GON4L: variants seen among roughly 807,000 people sequenced by gnomAD.
GON4L encodes the protein GON-4-like protein.
A neutral mutation model predicts 211.8 loss-of-function variants in GON4L; 87 were observed. The observed-to-expected ratio is 0.41, with a 90% CI of 0.35 to 0.49. The LOEUF is 0.49. Ranked by LOEUF, GON4L falls within the 20% of genes least tolerant of loss-of-function variation. GON4L has a pLI of 0.15. For synonymous variants in GON4L, 875 were observed against 962.6 expected, an observed-to-expected ratio of 0.91 and a Z score of 1.68; for missense variants, 2,155 against 2,659.5, an observed-to-expected ratio of 0.81 and a Z score of 4.17.
intron 28 of GON4L, among the ~76,000 whole-genome samples, chr1:155,753,783 TACA>T (rs1168285337): frequency 1.3e-5 from 2 of 151,922 alleles, no homozygotes; most frequent in African/African-American, 4.8e-5. Context: ...ACCATGGTGG[TACA>T]CTATAGCCTC....
intron 2 of GON4L, chr1:155,846,228 G>A (rs935112110): frequency 8.9e-6 from 2 of 224,352 alleles, no homozygotes; most frequent in African/African-American, 4.6e-5. Context: ...AAGAAAGACA[G>A]GAAAAAGAAA....
intron 2 of GON4L, among the ~76,000 whole-genome samples, chr1:155,840,091 G>A (rs1022176796): frequency 6.6e-6 from 1 of 152,072 alleles, no homozygotes; most frequent in Non-Finnish European, 1.5e-5. Context: ...TAGCTTAGAG[G>A]TCTATAAAAG....
chr1:155,792,913 C>T (rs1480241353), intron 12 of GON4L, among the ~76,000 whole-genome samples: 1 of 152,104 alleles, frequency 6.6e-6, no homozygotes, highest in Non-Finnish European at 1.5e-5. Context: ...TGCACCACGA[C>T]AACTAATTTT....
chr1:155,851,887 G>A (rs930803326), intron 2 of GON4L, among the ~76,000 whole-genome samples: 5 of 151,962 alleles, frequency 3.3e-5, no homozygotes, highest in Admixed American at 1.3e-4. Flanking sequence ...CATCTTGGCA[G>A]GGCGTGGTGG....
intron 19 of GON4L, among the ~76,000 whole-genome samples, chr1:155,769,077 G>A (rs79805831): frequency 6.6e-6 from 1 of 152,114 alleles, no homozygotes; most frequent in Non-Finnish European, 1.5e-5. Flanking sequence ...CCTAGTTCAA[G>A]TGAGTTTTGT....
chr1:155,805,205 T>C lies in GON4L; in HGVS notation c.1453-64A>G, dbSNP rs79350813. The C allele has an allele frequency of 6.5e-4, 688 of 1,050,432 alleles. 3 individuals are homozygous for C. The African/African-American group carries it at 9.2e-3, about 14-fold the overall frequency. The allele number at this position is 1,050,432 out of a possible 1,614,324, so 65.1% of individuals were successfully genotyped here. On this transcript the variant is annotated intron_variant, in intron 10 of 31. Coordinates refer to ENST00000368331, the MANE Select transcript of GON4L (RefSeq NM_001282860.2). ...GTTTCCAAACCTCATCATCACTCCT[T>C]TTCTTCTCATCTTAGCTTAAGTAAC... is the stretch of plus-strand genomic sequence containing the variant.
chr1:155,801,028 T>C (rs1360074744), intron 11 of GON4L, among the ~76,000 whole-genome samples: 1 of 150,638 alleles, frequency 6.6e-6, no homozygotes. Context: ...TAGAACTATC[T>C]GTCCTTGGGC....
intron 6 of GON4L, among the ~76,000 whole-genome samples, chr1:155,819,520 T>C (rs1390868063): frequency 6.6e-6 from 1 of 151,994 alleles, no homozygotes; most frequent in African/African-American, 2.4e-5. Context: ...CCTCCCAAAG[T>C]GCTGGGATTA....
At chr1:155,795,620 A>G (rs956378343) in intron 11 of GON4L, among the ~76,000 whole-genome samples, 3 of 151,790 alleles carry the variant, frequency 2.0e-5, no homozygotes, top group African/African-American at 7.3e-5. Flanking sequence ...TAGCCATTGG[A>G]GCATTTCAGA....
chr1:155,847,229 A>C (rs1473717024), intron 2 of GON4L, among the ~76,000 whole-genome samples: 1 of 152,092 alleles, frequency 6.6e-6, no homozygotes, highest in Non-Finnish European at 1.5e-5. Flanking sequence ...CAGGCTCCAT[A>C]AATTGTTTAC....
chr1:155,835,872 C>A (rs572814643), intron 2 of GON4L, among the ~76,000 whole-genome samples: 31 of 152,188 alleles, frequency 2.0e-4, no homozygotes, highest in African/African-American at 7.5e-4. Context: ...GGTTCACCTG[C>A]GTCATTCCTT....
intron 10 of GON4L, among the ~76,000 whole-genome samples, chr1:155,806,258 T>G (rs1667122123): frequency 6.6e-6 from 1 of 151,854 alleles, no homozygotes; most frequent in Admixed American, 6.6e-5. Flanking sequence ...GTTCGGGTGA[T>G]TCTCCTGCCT....
chr1:155,753,074 G>A (rs1269770823), intron 29 of GON4L, 130 bp downstream of exon 29: 1 of 685,636 alleles, frequency 1.5e-6, no homozygotes, highest in Middle Eastern at 2.5e-4. Flanking sequence ...GCTTCCTATG[G>A]GTCCATCAGT....
chr1:155,764,062 CA>C (rs1382884379), intron 21 of GON4L, among the ~76,000 whole-genome samples: 1 of 150,130 alleles, frequency 6.7e-6, no homozygotes, highest in African/African-American at 2.4e-5. Flanking sequence ...CAAAACAAGA[CA>C]AAAAAAAGAA....
At chr1:155,771,840 G>T (rs1663220959) in intron 18 of GON4L, among the ~76,000 whole-genome samples, 1 of 152,098 alleles carries the variant, frequency 6.6e-6, no homozygotes, top group Non-Finnish European at 1.5e-5. Flanking sequence ...GAAAATTTCA[G>T]ATACTTAGTG....
chr1:155,806,251 C>T (rs1169470152), intron 10 of GON4L, among the ~76,000 whole-genome samples: 3 of 151,192 alleles, frequency 2.0e-5, no homozygotes, highest in East Asian at 1.9e-4. Context: ...CTCCCGGGTT[C>T]GGGTGATTCT....
chr1:155,833,663 AAAAAAAAAAAG>A (rs1162047344), intron 2 of GON4L, among the ~76,000 whole-genome samples: 1 of 142,684 alleles, frequency 7.0e-6, no homozygotes, highest in African/African-American at 2.6e-5. Flanking sequence ...AAAAAAAAAA[AAAAAAAAAAAG>A]GGAAGGAAGG....
intron 4 of GON4L, 122 bp from the exon 5 acceptor site, chr1:155,821,670 T>A: frequency 1.4e-6 from 1 of 700,804 alleles, no homozygotes; most frequent in Non-Finnish European, 2.6e-6. Flanking sequence ...TCGAATAGCA[T>A]CAGACTGGGG....
At chr1:155,849,543 C>CAAAA (rs916595257) in intron 2 of GON4L, among the ~76,000 whole-genome samples, 10 of 46,994 alleles carry the variant, frequency 2.1e-4, no homozygotes, top group East Asian at 6.7e-4. Flanking sequence ...GACTCTGTCT[C>CAAAA]AAAAAAAAAA....
Sources: gnomAD v4.1 joint callset for allele counts (sites outside exome capture counted in the v4.1 genomes callset) on GRCh38, gnomAD v4.1.1 for gene constraint, MANE v1.5 for transcripts, NCBI Gene and HGNC (gene_info 2026-07-23, HGNC 2026-07-21) for gene names.